The following ACP4 variants were observed in gnomAD, a reference collection of about 807,000 sequenced individuals.
ACP4 encodes acid phosphatase 4, also known as testicular acid phosphatase.
A neutral mutation model predicts 47.3 loss-of-function variants in ACP4; 49 were observed. The observed-to-expected ratio is 1.04, with a 90% CI of 0.82 to 1.32. ACP4 has a LOEUF of 1.32. Among genes scored for constraint, ACP4 ranks in the 40% most tolerant of loss-of-function variants. The probability of loss-of-function intolerance (pLI) is 0.00; values close to 1 mark genes in which losing one functional copy is unlikely to be tolerated. For synonymous variants in ACP4, 299 were observed against 265.3 expected, an observed-to-expected ratio of 1.13 and a Z score of -1.23; for missense variants, 594 against 579.3, an observed-to-expected ratio of 1.03 and a Z score of -0.26.
Position 50,794,465 on chromosome 19 carries a change from C to A in ACP4, c.870C>A (p.Ser290Arg). Residue 290 changes from serine (S) to arginine (R), a missense_variant, in exon 9 of 11, where the codon AGC becomes AGA. Coordinates refer to ENST00000270593, the MANE Select transcript of ACP4 (RefSeq NM_033068.3). ...CTCGGGTCCACCTGCAGCATGACAGCACCCTGCTGGCCCTCCAGGGGGCCC... is the reference window on the plus strand; with the variant it reads ...CTCGGGTCCACCTGCAGCATGACAGAACCCTGCTGGCCCTCCAGGGGGCCC... ...LKMVMYSAHD[S>R]TLLALQGALG... 1 of 1,613,610 alleles carries A rather than the reference C, an allele frequency of 6.2e-7. No individual in the cohort carries two copies. The highest frequency in any genetic ancestry group is 8.5e-7 in the Non-Finnish European group (1 of 1,179,966).
intron 8 of ACP4, 144 bp from the exon 9 acceptor site, chr19:50,794,313 G>C: frequency 8.2e-7 from 1 of 1,212,244 alleles, no homozygotes; most frequent in Non-Finnish European, 1.1e-6. Context: ...GCAAATGTTG[G>C]TACTGCCTTC....
intron 3 of ACP4, among the ~76,000 whole-genome samples, chr19:50,791,105 C>T (rs1372065308): frequency 6.6e-6 from 1 of 152,228 alleles, no homozygotes; most frequent in Non-Finnish European, 1.5e-5. Context: ...GCCTCCATCT[C>T]TGTTTTCTAA....
chr19:50,793,645 G>A (rs373625258), intron 6 of ACP4, 39 bp from the exon 7 acceptor site: 22 of 1,599,950 alleles, frequency 1.4e-5, no homozygotes, highest in Middle Eastern at 2.0e-4. Flanking sequence ...AGGCAAACTC[G>A]AGGGCTCAGG....
chr19:50,792,642 T>G, intron 6 of ACP4: 5 of 251,364 alleles, frequency 2.0e-5, no homozygotes, highest in Non-Finnish European at 3.0e-5. Context: ...ACCCAAAACC[T>G]GGGCAGCGGG....
chr19:50,791,290 G>A (rs1342169106), intron 3 of ACP4, among the ~76,000 whole-genome samples: 1 of 152,050 alleles, frequency 6.6e-6, no homozygotes, highest in Non-Finnish European at 1.5e-5. Context: ...ACATCCCCCA[G>A]CTACAGACAG....
At chr19:50,790,570 A>G (rs749654403) in intron 1 of ACP4, 24 bp from the exon 2 acceptor site, 1 of 1,544,140 alleles carries the variant, frequency 6.5e-7, no homozygotes, top group South Asian at 1.2e-5. Flanking sequence ...CCCCAGGGCT[A>G]GCCCTGACCA....
chr19:50,792,676 CTTTTT>C (rs781192952), intron 6 of ACP4: 46 of 110,650 alleles, frequency 4.2e-4, no homozygotes, highest in Admixed American at 8.8e-4. Context: ...TGATGCAATG[CTTTTT>C]TTTTTTTTTT....
rs927130722 is a variant in ACP4, at chr19:50,794,686, G to C, written c.987-100G>C. On this transcript the variant is annotated intron_variant, in intron 9 of 10. Coordinates refer to ENST00000270593, the MANE Select transcript of ACP4 (RefSeq NM_033068.3). Reference sequence around the variant, plus strand: ...GGCCAGGTGGGGAGCTGCATGGGATGATGCTGGGAGGATGACAGGTGGGAG... The same window carrying C: ...GGCCAGGTGGGGAGCTGCATGGGATCATGCTGGGAGGATGACAGGTGGGAG... 5 of 1,588,522 alleles carry C rather than the reference G, an allele frequency of 3.1e-6. No individual in the cohort carries two copies. In the African/African-American group the frequency reaches 6.7e-5, roughly 21 times the overall value.
intron 3 of ACP4, among the ~76,000 whole-genome samples, chr19:50,791,264 C>A (rs1236553360): frequency 1.3e-5 from 2 of 152,160 alleles, no homozygotes; most frequent in Non-Finnish European, 2.9e-5. Flanking sequence ...TTTTCTGTCT[C>A]CTCCTATGTC....
chr19:50,794,773 CCT>C lies in ACP4; in HGVS notation c.987-5_987-4del, dbSNP rs751116391. The stretch of plus-strand genomic sequence containing the variant: ...CAGGAGGGAGGAGGTGCCACCATGT[CCT>C]CTCTCTCCAGGAATGTCACCGTCTC... On this transcript the variant is annotated splice_polypyrimidine_tract_variant and intron_variant, in intron 9 of 10. Transcript: ENST00000270593. 101 of 1,587,646 alleles carry C rather than the reference CCT, an allele frequency of 6.4e-5. No homozygotes were observed. The highest frequency in any genetic ancestry group is 2.1e-4 in the South Asian group (18 of 87,350).
Position 50,793,678 on chromosome 19 carries a change from C to G in ACP4, c.646-6C>G. 1 of 1,612,786 alleles carries G rather than the reference C, an allele frequency of 6.2e-7. No individual in the cohort carries two copies. The highest frequency in any genetic ancestry group is 1.7e-5 in the Admixed American group (1 of 60,012). On this transcript the variant is annotated splice_polypyrimidine_tract_variant and splice_region_variant and intron_variant, in intron 6 of 10. Coordinates refer to ENST00000270593, the MANE Select transcript of ACP4 (RefSeq NM_033068.3). ...AGGATGGTCCATCTGTCCTGTCTCC[C>G]CACAGCAAGCCCACGGTCTTCCACT...
intron 3 of ACP4, 78 bp from the exon 4 acceptor site, chr19:50,791,578 G>A (rs2089506609): frequency 3.2e-6 from 5 of 1,546,434 alleles, no homozygotes; most frequent in Admixed American, 1.7e-5. Flanking sequence ...GTGAATCTGA[G>A]GCTTCTGATT....
chr19:50,791,485 C>G (rs1035439851), intron 3 of ACP4, among the ~76,000 whole-genome samples, 171 bp from the exon 4 acceptor site: 4 of 152,190 alleles, frequency 2.6e-5, no homozygotes, highest in African/African-American at 9.6e-5. Flanking sequence ...CCCAACTGCT[C>G]CTGACATTAG....
At position 50,795,164 on chromosome 19, in the gene ACP4, A is replaced by G; in HGVS notation, c.*6A>G. On this transcript the variant is annotated 3_prime_UTR_variant, in exon 11 of 11. Coordinates refer to ENST00000270593, the MANE Select transcript of ACP4 (RefSeq NM_033068.3). ...CCTTGGGGGGCCCCGTGTGAGCCAG[A>G]AACCAGGGCTTCCCTACCCCCAGCT... is the stretch of plus-strand genomic sequence containing the variant. The G allele has an allele frequency of 6.5e-7, 1 of 1,535,644 alleles. No individual in the cohort carries two copies. Among genetic ancestry groups the G allele is most frequent in the Non-Finnish European group, 8.7e-7 (1 of 1,144,392 alleles).
rs1221164391 is a variant in ACP4, at chr19:50,792,240, A to T, written c.550-2A>T. On this transcript the variant is annotated splice_acceptor_variant, in intron 5 of 10. Transcript: ENST00000270593. LOFTEE classifies it high-confidence loss of function. Reference sequence around the variant, plus strand: ...TGGGCTCACCCAGCCCCGCGCATCCAGGGCTTCCTGAGTCGCCTGGAGAAC... The same window carrying T: ...TGGGCTCACCCAGCCCCGCGCATCCTGGGCTTCCTGAGTCGCCTGGAGAAC... 6.2e-7 allele frequency: 1 copy of T among 1,612,980 alleles called. No individual in the cohort carries two copies. The highest frequency in any genetic ancestry group is 8.5e-7 in the Non-Finnish European group (1 of 1,179,964).
intron 4 of ACP4, 90 bp from the exon 5 acceptor site, chr19:50,791,983 G>T: frequency 6.8e-7 from 1 of 1,468,424 alleles, no homozygotes. Context: ...CGACAAAGAC[G>T]CAGGGGCCGA....
At chr19:50,792,397 C>G (rs2089518098) in intron 6 of ACP4, 60 bp downstream of exon 6, 7 of 1,529,858 alleles carry the variant, frequency 4.6e-6, no homozygotes, top group Middle Eastern at 1.7e-4. Flanking sequence ...TCCCAGCTTG[C>G]TACTCACTAG....
chr19:50,792,434 T>A, intron 6 of ACP4, 97 bp downstream of exon 6: 3 of 1,267,052 alleles, frequency 2.4e-6, no homozygotes, highest in Non-Finnish European at 3.3e-6. Flanking sequence ...ATGTAGTTAA[T>A]CCTCTGTGCC....
intron 9 of ACP4, 94 bp from the exon 10 acceptor site, chr19:50,794,692 G>C: frequency 6.3e-7 from 1 of 1,584,216 alleles, no homozygotes; most frequent in Non-Finnish European, 8.6e-7. Context: ...GGATGATGCT[G>C]GGAGGATGAC....
Sources: gnomAD v4.1 joint callset for allele counts (sites outside exome capture counted in the v4.1 genomes callset) on GRCh38, gnomAD v4.1.1 for gene constraint, MANE v1.5 for transcripts, NCBI Gene and HGNC (gene_info 2026-07-23, HGNC 2026-07-21) for gene names.